The following DPH6 variants were observed in gnomAD, a reference collection of about 807,000 sequenced individuals.
DPH6 encodes diphthine--ammonia ligase.
DPH6 carries 33 observed loss-of-function variants against 38.2 expected under a neutral mutation model. That is an observed-to-expected ratio of 0.86 (90% CI 0.65 to 1.15). DPH6 has a LOEUF of 1.15. DPH6 is among the 50% of genes most tolerant of loss of function. The pLI is 0.00. For synonymous variants in DPH6, 108 were observed against 103.0 expected (o/e 1.05, Z -0.30); for missense variants, 325 against 320.0 (o/e 1.02, Z -0.12).
At chr15:35,419,105 T>G (rs1200978299) in intron 5 of DPH6, among the ~76,000 whole-genome samples, 1 of 135,960 alleles carries the variant, frequency 7.4e-6, no homozygotes, top group Non-Finnish European at 1.6e-5. Context: ...ACTCTTGAAA[T>G]CTCTTCCTAT....
intron 3 of DPH6, among the ~76,000 whole-genome samples, chr15:35,361,493 C>T (rs551342708): frequency 1.4e-5 from 2 of 147,954 alleles, no homozygotes; most frequent in African/African-American, 5.2e-5. Context: ...AATTTTCAGC[C>T]ATTCTTTAAA....
At chr15:35,486,112 A>G (rs1178068270) in intron 3 of DPH6, among the ~76,000 whole-genome samples, 1 of 152,210 alleles carries the variant, frequency 6.6e-6, no homozygotes, top group Middle Eastern at 3.2e-3. Flanking sequence ...GGAAAGCCTC[A>G]GGAAACTTAC....
chr15:35,163,665 T>G, the DPH6 span, among the ~76,000 whole-genome samples: 1 of 151,866 alleles, frequency 6.6e-6, no homozygotes, highest in Non-Finnish European at 1.5e-5. Context: ...ACAAAAATAT[T>G]ACATCTAAAT....
intron 5 of DPH6, among the ~76,000 whole-genome samples, chr15:35,421,791 A>G (rs1024200771): frequency 6.6e-6 from 1 of 152,136 alleles, no homozygotes; most frequent in Non-Finnish European, 1.5e-5. Context: ...AAGAACACTG[A>G]GAAATTCAAA....
At chr15:35,408,494 C>G (rs2053324144) in intron 6 of DPH6, among the ~76,000 whole-genome samples, 1 of 151,902 alleles carries the variant, frequency 6.6e-6, no homozygotes, top group South Asian at 2.1e-4. Flanking sequence ...TGAAGCTTAG[C>G]TGATAAATAT....
chr15:35,346,204 C>A (rs2052460456), intron 3 of DPH6, among the ~76,000 whole-genome samples: 1 of 151,934 alleles, frequency 6.6e-6, no homozygotes, highest in South Asian at 2.1e-4. Context: ...CTCATTGACT[C>A]CCCCTTCTGT....
At chr15:35,297,841 C>T (rs1312677080) in intron 3 of DPH6, among the ~76,000 whole-genome samples, 1 of 151,832 alleles carries the variant, frequency 6.6e-6, no homozygotes, top group African/African-American at 2.4e-5. Flanking sequence ...CCTCTCCTTC[C>T]CTACACTTCT....
chr15:35,443,262 C>G (rs2053810984), intron 5 of DPH6, among the ~76,000 whole-genome samples: 1 of 152,074 alleles, frequency 6.6e-6, no homozygotes, highest in Non-Finnish European at 1.5e-5. Flanking sequence ...AATATAATAT[C>G]TATATCTATT....
chr15:35,528,019 C>T (rs1011182839), intron 3 of DPH6, among the ~76,000 whole-genome samples: 2 of 152,198 alleles, frequency 1.3e-5, no homozygotes, highest in African/African-American at 2.4e-5. Context: ...TGTTATGATG[C>T]CCAAAAGGCT....
At chr15:35,357,184 C>A (rs995164309) in intron 3 of DPH6, among the ~76,000 whole-genome samples, 2 of 152,238 alleles carry the variant, frequency 1.3e-5, no homozygotes, top group Non-Finnish European at 2.9e-5. Flanking sequence ...CGTCTATCAC[C>A]GCTTTCTTTG....
At chr15:35,451,951 C>A (rs141600222) in intron 4 of DPH6, among the ~76,000 whole-genome samples, 6,475 of 152,106 alleles carry the variant, frequency 0.043, 152 homozygotes, top group East Asian at 0.094. Flanking sequence ...CGGAGCTTGC[C>A]GTAAGCCGAG....
At chr15:35,276,579 A>C (rs2140432047) in intron 3 of DPH6, among the ~76,000 whole-genome samples, 1 of 152,336 alleles carries the variant, frequency 6.6e-6, no homozygotes, top group Admixed American at 6.5e-5. Context: ...CTTAGATTTA[A>C]GTCCTTGATC....
downstream of DPH6, among the ~76,000 whole-genome samples, chr15:35,330,602 T>C (rs1209360537): frequency 1.3e-5 from 2 of 152,118 alleles, no homozygotes; most frequent in African/African-American, 4.8e-5. Flanking sequence ...AAAAGCACTT[T>C]AGGAAGCAGA....
chr15:35,520,630 G>C (rs2054910574), intron 3 of DPH6: 1 of 984,564 alleles, frequency 1.0e-6, no homozygotes, highest in Non-Finnish European at 1.2e-6. Flanking sequence ...TAATGCAAAA[G>C]TAAAAGGGAG....
chr15:35,435,513 T>G (rs2053687135), intron 5 of DPH6, among the ~76,000 whole-genome samples: 1 of 152,172 alleles, frequency 6.6e-6, no homozygotes, highest in Non-Finnish European at 1.5e-5. Flanking sequence ...CACCAGGAAT[T>G]CATGCCTTAT....
intron 3 of DPH6, among the ~76,000 whole-genome samples, chr15:35,283,156 TCCCTCC>T (rs1436453551): frequency 4.7e-5 from 7 of 149,672 alleles, no homozygotes; most frequent in South Asian, 4.4e-4. Context: ...CTTCCTCTTT[TCCCTCC>T]CCCTCCCCCT....
the DPH6 span, among the ~76,000 whole-genome samples, chr15:35,173,182 T>C: frequency 9.9e-5 from 15 of 152,210 alleles, no homozygotes; most frequent in Non-Finnish European, 1.6e-4. Flanking sequence ...CAATCTAGCA[T>C]GTCCAAATGT....
At chr15:35,323,495 T>C (rs1479659174) in intron 3 of DPH6, among the ~76,000 whole-genome samples, 2 of 152,186 alleles carry the variant, frequency 1.3e-5, no homozygotes, top group African/African-American at 4.8e-5. Context: ...GAGGTGACTT[T>C]GTCAACATCA....
chr15:35,450,261 A>G (rs1458120369), intron 5 of DPH6, among the ~76,000 whole-genome samples: 2 of 152,066 alleles, frequency 1.3e-5, no homozygotes, highest in Non-Finnish European at 2.9e-5. Flanking sequence ...CATTATTCAA[A>G]ATATGCTAAA....
Sources: allele counts gnomAD v4.1 joint callset (sites outside exome capture counted in the v4.1 genomes callset), GRCh38; gene constraint gnomAD v4.1.1; transcripts MANE v1.5; gene names NCBI Gene and HGNC (gene_info 2026-07-23, HGNC 2026-07-21).